The following PRICKLE2 variants were observed in gnomAD, a reference collection of about 807,000 sequenced individuals.
The protein encoded by PRICKLE2 is prickle-like protein 2.
Under a neutral mutation model 81.4 loss-of-function variants are expected in PRICKLE2, and 21 were observed. That is an observed-to-expected ratio of 0.26 (90% CI 0.18 to 0.37). PRICKLE2 has a LOEUF of 0.37. PRICKLE2 is among the 10% of genes least tolerant of loss of function. The pLI, the probability that PRICKLE2 is intolerant of heterozygous loss-of-function variation, is 1.00. For missense variants in PRICKLE2, 940 were observed against 1,109.0 expected (o/e 0.85, Z 2.16); for synonymous variants, 456 against 421.5 (o/e 1.08, Z -1.00).
chr3:64,113,074 C>T (rs1167349257), intron 7 of PRICKLE2, among the ~76,000 whole-genome samples: 1 of 152,172 alleles, frequency 6.6e-6, no homozygotes, highest in Non-Finnish European at 1.5e-5. Context: ...GAGCAACCTG[C>T]TCTTGTCACA....
chr3:64,202,232 T>G (rs1022165191), intron 1 of PRICKLE2, among the ~76,000 whole-genome samples: 2 of 152,202 alleles, frequency 1.3e-5, no homozygotes, highest in Admixed American at 6.5e-5. Flanking sequence ...ATCCCTTGCA[T>G]TTGCATTCAT....
chr3:64,112,767 A>G (rs1015677069), intron 7 of PRICKLE2, among the ~76,000 whole-genome samples: 2 of 152,230 alleles, frequency 1.3e-5, no homozygotes, highest in African/African-American at 2.4e-5. Flanking sequence ...TGCATCAGAC[A>G]AGGCCTAATA....
At chr3:64,220,272 T>C (rs1044504808) in intron 1 of PRICKLE2, among the ~76,000 whole-genome samples, 1 of 152,214 alleles carries the variant, frequency 6.6e-6, no homozygotes, top group Admixed American at 6.5e-5. Context: ...TAAGAATTTC[T>C]GCCCTGGCTA....
Position 64,151,666 on chromosome 3 carries a change from G to A in PRICKLE2, c.787+1516C>T, listed in dbSNP as rs371066918. Among the ~76,000 whole-genome samples the A allele has an allele frequency of 2.4e-4, 37 of 152,256 alleles. No homozygotes were observed. In the East Asian group the frequency reaches 4.8e-3, roughly 20 times the overall value. On this transcript the variant is annotated intron_variant, in intron 6 of 7. Transcript: ENST00000638394. ...TGTGCACTTGCAGACTTGAATCCTC[G>A]GTTGGGCAATACTGAGTCAAGACAT... is the stretch of plus-strand genomic sequence containing the variant.
intron 1 of PRICKLE2, among the ~76,000 whole-genome samples, chr3:64,219,578 G>C (rs2078920849): frequency 6.6e-6 from 1 of 152,122 alleles, no homozygotes; most frequent in Admixed American, 6.6e-5. Context: ...AAAAGCAGAA[G>C]GTGAAGACAC....
At chr3:64,183,385 C>T (rs1487507839) in intron 2 of PRICKLE2, among the ~76,000 whole-genome samples, 1 of 151,888 alleles carries the variant, frequency 6.6e-6, no homozygotes, top group Non-Finnish European at 1.5e-5. Flanking sequence ...AACAAAATAA[C>T]ACATATATTT....
intron 1 of PRICKLE2, among the ~76,000 whole-genome samples, chr3:64,211,959 A>G (rs115203642): frequency 0.021 from 3,253 of 152,338 alleles, 41 homozygotes; most frequent in Non-Finnish European, 0.031. Context: ...GGATGGTAAC[A>G]AGATGGCAGC....
At chr3:64,246,418 C>A (rs1246133588) in intron 2 of PRICKLE2, among the ~76,000 whole-genome samples, 1 of 152,162 alleles carries the variant, frequency 6.6e-6, no homozygotes, top group African/African-American at 2.4e-5. Flanking sequence ...CAACCTATAG[C>A]ACCCCCACAA....
chr3:64,100,034 G>A, intron 7 of PRICKLE2, 109 bp from the exon 8 acceptor site: 2 of 1,261,552 alleles, frequency 1.6e-6, no homozygotes, highest in Non-Finnish European at 2.3e-6. Context: ...TTGTGAAGTT[G>A]TGTACTGCAC....
In PRICKLE2 at chr3:64,157,231, T is replaced by G. The variant is rs780089157; in HGVS notation, c.531A>C (p.Gln177His). 3 of 1,614,202 alleles carry G rather than the reference T, an allele frequency of 1.9e-6. No individual in the cohort carries two copies. The Admixed American group carries it at 5.0e-5, about 27-fold the overall frequency. ...ELLVDLIYFY[Q>H]DGKIYCGRHH... ...GCCTGCCACAGTATATCTTCCCATCTTGGTAAAAGTAGATCAGATCCACCA... is the reference window on the plus strand; with the variant it reads ...GCCTGCCACAGTATATCTTCCCATCGTGGTAAAAGTAGATCAGATCCACCA... The change falls in exon 5 of 8, where the codon CAA becomes CAC. Residue 177 changes from glutamine to histidine, a missense_variant. Physicochemically the swap from Gln to His is conservative, Grantham distance 24. Around this residue, in one of 2 missense-constraint regions of PRICKLE2, gnomAD observed 270 missense variants for 391.8 expected, o/e 0.69. Coordinates refer to ENST00000638394, the MANE Select transcript of PRICKLE2 (RefSeq NM_198859.4).
chr3:64,194,983 A>G (rs1020115163), intron 2 of PRICKLE2, among the ~76,000 whole-genome samples: 6 of 152,262 alleles, frequency 3.9e-5, no homozygotes, highest in Middle Eastern at 3.4e-3. Context: ...TCAAGGTTGC[A>G]GTGAGCTATG....
chr3:64,168,921 A>G (rs2077884042), intron 2 of PRICKLE2, among the ~76,000 whole-genome samples: 1 of 152,186 alleles, frequency 6.6e-6, no homozygotes, highest in African/African-American at 2.4e-5. Context: ...TCCAAATTAC[A>G]GTCTTTCCAC....
chr3:64,113,623 G>A (rs1340454093), intron 7 of PRICKLE2, among the ~76,000 whole-genome samples: 1 of 152,122 alleles, frequency 6.6e-6, no homozygotes, highest in Non-Finnish European at 1.5e-5. Context: ...TCCTTGCCCT[G>A]CCAGCACACT....
intron 1 of PRICKLE2, among the ~76,000 whole-genome samples, chr3:64,209,811 T>G (rs1026669983): frequency 2.0e-5 from 3 of 152,206 alleles, no homozygotes; most frequent in Admixed American, 6.5e-5. Context: ...ATTTACAGAT[T>G]GTGATAAGTG....
At chr3:64,182,795 A>C (rs540696604) in intron 2 of PRICKLE2, 1 of 152,194 alleles carries the variant, frequency 6.6e-6, no homozygotes, top group African/African-American at 2.4e-5. Flanking sequence ...CTGGATGTTA[A>C]GAAATGGCGA....
At chr3:64,134,034 A>C (rs2077238968) in intron 7 of PRICKLE2, among the ~76,000 whole-genome samples, 1 of 152,234 alleles carries the variant, frequency 6.6e-6, no homozygotes, top group South Asian at 2.1e-4. Flanking sequence ...AAATAATACA[A>C]GTAATAGTTA....
At position 64,128,934 on chromosome 3, in the gene PRICKLE2, C is replaced by T. The variant is rs576499735; in HGVS notation, c.1660+17896G>A. The stretch of plus-strand genomic sequence containing the variant: ...GGATTTTTTATTTTTTTTTTAACTT[C>T]GACACTGTTGATATTTGGGGCAGGA... On this transcript the variant is annotated intron_variant, in intron 7 of 7. Coordinates refer to ENST00000638394, the MANE Select transcript of PRICKLE2 (RefSeq NM_198859.4). Among the ~76,000 whole-genome samples the T allele has an allele frequency of 2.0e-5, 3 of 150,176 alleles. No individual in the cohort carries two copies. The East Asian group carries it at 5.9e-4, about 29-fold the overall frequency.
At chr3:64,245,931 G>A (rs369110878) in intron 2 of PRICKLE2, among the ~76,000 whole-genome samples, 15 of 152,096 alleles carry the variant, frequency 9.9e-5, no homozygotes, top group South Asian at 6.2e-4. Context: ...TTTTCCTATC[G>A]GTTTGAGCTC....
intron 7 of PRICKLE2, 131 bp from the exon 8 acceptor site, chr3:64,100,056 CA>C: frequency 2.0e-6 from 2 of 981,116 alleles, no homozygotes; most frequent in Non-Finnish European, 3.1e-6. Flanking sequence ...AAGGCCCTCT[CA>C]GGGGGCACAT....
Sources: gnomAD v4.1 joint callset for allele counts (sites outside exome capture counted in the v4.1 genomes callset) on GRCh38, gnomAD v4.1.1 for gene constraint, gnomAD v4.1.1 regional missense constraint, MANE v1.5 for transcripts, NCBI Gene and HGNC (gene_info 2026-07-23, HGNC 2026-07-21) for gene names.